Variants in LRRC37B observed in about 807,000 individuals in gnomAD.
LRRC37B encodes leucine-rich repeat-containing protein 37B.
A neutral mutation model predicts 98.3 loss-of-function variants in LRRC37B; 28 were observed. The ratio of observed to expected loss-of-function variants is 0.28; its 90% CI spans 0.21 to 0.39. LRRC37B has a LOEUF of 0.39. Among genes scored for constraint, LRRC37B ranks in the 10% least tolerant of loss-of-function variants. LRRC37B has a pLI of 1.00. For missense variants in LRRC37B, 938 were observed against 1,182.7 expected (o/e 0.79, Z 3.03); for synonymous variants, 364 against 442.7 (o/e 0.82, Z 2.23).
chr17:32,042,960 T>C (rs994079588), intron 7 of LRRC37B: 2 of 151,880 alleles, frequency 1.3e-5, no homozygotes, highest in East Asian at 1.9e-4. Flanking sequence ...TAGTAGGCAA[T>C]GATAATATTA....
At chr17:32,015,642 C>T (rs1910632881) in intron 1 of LRRC37B, among the ~76,000 whole-genome samples, 1 of 152,166 alleles carries the variant, frequency 6.6e-6, no homozygotes, top group African/African-American at 2.4e-5. Context: ...TATGGGTCAA[C>T]TCGGAAAAAT....
chr17:32,028,865 A>G (rs1911031893), intron 3 of LRRC37B: 1 of 147,110 alleles, frequency 6.8e-6, no homozygotes, highest in African/African-American at 2.5e-5. Flanking sequence ...AGGCTTAAGG[A>G]AAGTGGGTGT....
chr17:32,043,800 C>A lies in LRRC37B; in HGVS notation c.2205-1900C>A, dbSNP rs181551264. On this transcript the variant is annotated intron_variant, in intron 7 of 11. Coordinates refer to ENST00000327564, the Ensembl canonical transcript of LRRC37B. ...CCCCCAACTCACAGACTTCATGTATCCATTGAATACTCTTCTGTTTCCACA... is the reference window on the plus strand; with the variant it reads ...CCCCCAACTCACAGACTTCATGTATACATTGAATACTCTTCTGTTTCCACA... Among the ~76,000 whole-genome samples the A allele has an allele frequency of 1.5e-3, 224 of 152,184 alleles. 1 individual carries two copies. Among genetic ancestry groups the A allele is most frequent in the Non-Finnish European group, 1.5e-3 (105 of 68,020 alleles).
chr17:32,050,898 G>A (rs1311939579), intron 11 of LRRC37B: 1 of 152,204 alleles, frequency 6.6e-6, no homozygotes, highest in Non-Finnish European at 1.5e-5. Context: ...ATTATGTGAT[G>A]TATTACTTTT....
At chr17:32,016,079 C>G (rs116192507), upstream of LRRC37B, among the ~76,000 whole-genome samples, 361 of 152,208 alleles carry the variant, frequency 2.4e-3, no homozygotes, top group African/African-American at 8.5e-3. Context: ...AGATTTAAAA[C>G]CCAAGGCATG....
At chr17:32,043,546 C>T (rs1192444663) in intron 7 of LRRC37B, among the ~76,000 whole-genome samples, 1 of 152,172 alleles carries the variant, frequency 6.6e-6, no homozygotes, top group Non-Finnish European at 1.5e-5. Context: ...TGTAACAGAG[C>T]GAGACTCAGC....
chr17:32,040,675 C>T, intron 7 of LRRC37B: 2 of 779,888 alleles, frequency 2.6e-6, no homozygotes, highest in South Asian at 1.3e-5. Context: ...GTGAAGAACC[C>T]CGGCTACCCG....
upstream of LRRC37B, chr17:32,007,787 G>A: frequency 8.4e-7 from 1 of 1,188,706 alleles, no homozygotes; most frequent in Non-Finnish European, 1.0e-6. The surrounding 1 kb of genome is among the most constrained non-coding windows in gnomAD (Gnocchi z 4.1). Flanking sequence ...CCAAGACGCG[G>A]CTGAGCTCGC....
At chr17:32,035,721 G>A in intron 7 of LRRC37B, 82 bp downstream of exon 10, 3 of 1,387,720 alleles carry the variant, frequency 2.2e-6, no homozygotes, top group Non-Finnish European at 3.0e-6. Flanking sequence ...CAGGTTTATT[G>A]AGATTTAATT....
At chr17:32,008,375 C>T (rs1465740413) in intron 1 of LRRC37B, among the ~76,000 whole-genome samples, 2 of 152,204 alleles carry the variant, frequency 1.3e-5, no homozygotes, top group African/African-American at 2.4e-5. Context: ...CCCCGTCCCC[C>T]CAACTCCCTT....
At chr17:32,053,346 T>C (rs766041654) in exon 12 of LRRC37B, 2 of 1,587,710 alleles carry the variant, frequency 1.3e-6, no homozygotes, top group Admixed American at 3.7e-5. Context: ...TTAAAGCATG[T>C]GGATGGCCTG....
At chr17:32,012,447 T>G (rs1910544578) in intron 1 of LRRC37B, among the ~76,000 whole-genome samples, 1 of 152,250 alleles carries the variant, frequency 6.6e-6, no homozygotes, top group Non-Finnish European at 1.5e-5. Context: ...CCAGGCATGG[T>G]GGCTCACGCC....
At chr17:32,034,962 C>T in exon 6 of LRRC37B, 1 of 1,609,624 alleles carries the variant, frequency 6.2e-7, no homozygotes, top group Non-Finnish European at 8.5e-7. Context: ...TCTCTTTGAA[C>T]TGCCGGCATT....
intron 7 of LRRC37B, among the ~76,000 whole-genome samples, chr17:32,037,414 C>A (rs1401538753): frequency 6.6e-6 from 1 of 151,992 alleles, no homozygotes; most frequent in Non-Finnish European, 1.5e-5. Context: ...TATAGCCACA[C>A]ACCACCATGC....
intron 5 of LRRC37B, among the ~76,000 whole-genome samples, chr17:32,034,222 T>G (rs1269921987): frequency 6.6e-6 from 1 of 151,972 alleles, no homozygotes; most frequent in Non-Finnish European, 1.5e-5. Flanking sequence ...AGGCAAGCAG[T>G]CAGGCGCAGT....
At chr17:32,019,807 C>T (rs112736779), upstream of LRRC37B, among the ~76,000 whole-genome samples, 870 of 152,288 alleles carry the variant, frequency 5.7e-3, 8 homozygotes, top group African/African-American at 0.02. Context: ...CTGATTATAA[C>T]AATAGATCCA....
intron 1 of LRRC37B, among the ~76,000 whole-genome samples, chr17:32,013,411 G>T (rs1328160576): frequency 2.6e-5 from 4 of 151,974 alleles, no homozygotes; most frequent in African/African-American, 9.7e-5. Flanking sequence ...CATTTAATAC[G>T]ATTGATAATG....
chr17:32,042,086 A>G (rs959560320), intron 7 of LRRC37B: 3 of 330,172 alleles, frequency 9.1e-6, no homozygotes, highest in Non-Finnish European at 1.8e-5. Context: ...CTTCTCCCCA[A>G]GGCCAGGGCA....
At chr17:32,021,930 C>A in exon 1 of LRRC37B, 1 of 1,614,150 alleles carries the variant, frequency 6.2e-7, no homozygotes. Context: ...TCAATTCCAT[C>A]TAGAGCCCAA....
Sources: gnomAD v4.1 joint callset for allele counts (sites outside exome capture counted in the v4.1 genomes callset) on GRCh38, gnomAD v4.1.1 for gene constraint, Gnocchi (gnomAD v3.1) non-coding constraint, MANE v1.5 for transcripts, NCBI Gene and HGNC (gene_info 2026-07-23, HGNC 2026-07-21) for gene names.